Variants in ERBB4 observed in about 807,000 individuals in gnomAD.
ERBB4 encodes the protein receptor tyrosine-protein kinase erbB-4.
ERBB4 carries 42 observed loss-of-function variants against 158.0 expected under a neutral mutation model. The ratio of observed to expected loss-of-function variants is 0.27; its 90% CI spans 0.21 to 0.34. ERBB4 has a LOEUF of 0.34. Ranked by LOEUF, ERBB4 falls within the 10% of genes least tolerant of loss-of-function variation. The pLI, the probability that ERBB4 is intolerant of heterozygous loss-of-function variation, is 1.00. For missense variants in ERBB4, 1,333 were observed against 1,624.1 expected (o/e 0.82, Z 3.08); for synonymous variants, 583 against 558.7 (o/e 1.04, Z -0.61).
chr2:212,165,377 C>T (rs1467399425), intron 1 of ERBB4, among the ~76,000 whole-genome samples: 1 of 151,758 alleles, frequency 6.6e-6, no homozygotes, highest in Non-Finnish European at 1.5e-5. Context: ...GCAAATGTCT[C>T]ACTCACTTCA....
intron 3 of ERBB4, among the ~76,000 whole-genome samples, chr2:211,855,793 CTTTAAG>C (rs1174418077): frequency 2.6e-5 from 4 of 151,904 alleles, no homozygotes; most frequent in South Asian, 2.1e-4. Context: ...CCTTTGCAAT[CTTTAAG>C]TTTATTTTCC....
chr2:212,464,375 G>A (rs962054692), intron 1 of ERBB4, among the ~76,000 whole-genome samples: 4 of 151,826 alleles, frequency 2.6e-5, no homozygotes, highest in African/African-American at 4.8e-5. Context: ...GTTCCATTCC[G>A]GTAGAATCAT....
intron 1 of ERBB4, among the ~76,000 whole-genome samples, chr2:212,531,289 A>G (rs955443120): frequency 1.3e-5 from 2 of 152,188 alleles, no homozygotes; most frequent in Non-Finnish European, 2.9e-5. Context: ...GAACTCAGCT[A>G]CAACCAGAGA....
At chr2:211,850,361 A>C (rs1428245570) in intron 3 of ERBB4, among the ~76,000 whole-genome samples, 1 of 151,904 alleles carries the variant, frequency 6.6e-6, no homozygotes, top group Non-Finnish European at 1.5e-5. Flanking sequence ...CATATTCAAC[A>C]TATATGTAGT....
At chr2:211,772,275 A>G (rs950467490) in intron 4 of ERBB4, among the ~76,000 whole-genome samples, 18 of 152,090 alleles carry the variant, frequency 1.2e-4, no homozygotes, top group Non-Finnish European at 1.3e-4. Flanking sequence ...GTTATTAAAT[A>G]TTTATCAGCA....
chr2:211,431,305 T>TATGAG (rs751446516), intron 20 of ERBB4, among the ~76,000 whole-genome samples: 17 of 152,236 alleles, frequency 1.1e-4, no homozygotes, highest in Non-Finnish European at 2.4e-4. Flanking sequence ...CCTAAAGTCC[T>TATGAG]ATGAGATGAA....
At chr2:211,592,357 GCT>G in intron 19 of ERBB4, among the ~76,000 whole-genome samples, 1 of 152,262 alleles carries the variant, frequency 6.6e-6, no homozygotes, top group Non-Finnish European at 1.5e-5. Flanking sequence ...AGTCTGTCTG[GCT>G]CTCTTAGCTA....
chr2:211,690,890 T>C (rs1009658611), intron 12 of ERBB4, among the ~76,000 whole-genome samples: 2 of 152,210 alleles, frequency 1.3e-5, no homozygotes, highest in Admixed American at 1.3e-4. Flanking sequence ...CTGTGTTTTC[T>C]CTGGAAGCTG....
intron 12 of ERBB4, among the ~76,000 whole-genome samples, chr2:211,684,142 G>A (rs532891944): frequency 1.3e-5 from 2 of 152,158 alleles, no homozygotes; most frequent in South Asian, 4.2e-4. Flanking sequence ...GGGAAGATGG[G>A]AGGGGGAGAA....
At chr2:211,881,741 A>G (rs887271130) in intron 3 of ERBB4, among the ~76,000 whole-genome samples, 1 of 151,672 alleles carries the variant, frequency 6.6e-6, no homozygotes, top group Non-Finnish European at 1.5e-5. Flanking sequence ...TCAGCAACTC[A>G]TTTTTCTGGG....
chr2:212,172,579 C>T (rs2081550181), intron 1 of ERBB4, among the ~76,000 whole-genome samples: 1 of 152,042 alleles, frequency 6.6e-6, no homozygotes, highest in Admixed American at 6.6e-5. Flanking sequence ...TGTGTATATA[C>T]ACCATGGAAT....
intron 5 of ERBB4, among the ~76,000 whole-genome samples, chr2:211,733,901 A>G (rs1376399188): frequency 6.6e-6 from 1 of 151,726 alleles, no homozygotes; most frequent in African/African-American, 2.4e-5. Flanking sequence ...GCCAACATGA[A>G]GAAACCCTGT....
chr2:212,015,082 ATATATATATATATATATATATATATATAT>A (rs2076492119), intron 2 of ERBB4, among the ~76,000 whole-genome samples: 1 of 43,538 alleles, frequency 2.3e-5, no homozygotes, highest in Non-Finnish European at 4.3e-5. Flanking sequence ...ATATATATAT[ATATATATATATATATATATATATATATAT>A]AAAAATTAGC....
At chr2:211,654,562 C>T (rs1262682099) in intron 16 of ERBB4, among the ~76,000 whole-genome samples, 14 of 152,128 alleles carry the variant, frequency 9.2e-5, no homozygotes, top group Admixed American at 1.3e-4. Context: ...TTACTAACTT[C>T]GTGAGGTTTT....
intron 3 of ERBB4, among the ~76,000 whole-genome samples, chr2:211,870,675 T>C (rs916813357): frequency 1.3e-5 from 2 of 152,112 alleles, no homozygotes; most frequent in Admixed American, 6.6e-5. Flanking sequence ...AGGACTAAAA[T>C]ACAGTTTTCC....
At chr2:211,948,450 A>C (rs966723033) in intron 2 of ERBB4, among the ~76,000 whole-genome samples, 4 of 151,232 alleles carry the variant, frequency 2.6e-5, no homozygotes, top group Non-Finnish European at 4.4e-5. Context: ...AAAAAAAAAA[A>C]AAAAAAAAAA....
intron 1 of ERBB4, among the ~76,000 whole-genome samples, chr2:212,425,783 C>A (rs960070926): frequency 1.9e-4 from 29 of 151,982 alleles, no homozygotes; most frequent in Admixed American, 1.8e-3. Flanking sequence ...TTGCTTCATT[C>A]TTTTTCCTAA....
chr2:211,832,619 T>TAC (rs2077248127), intron 3 of ERBB4, among the ~76,000 whole-genome samples: 2 of 150,598 alleles, frequency 1.3e-5, no homozygotes. Context: ...TATATATATA[T>TAC]ACATATATAT....
At chr2:211,760,381 C>T (rs2075379752) in intron 4 of ERBB4, among the ~76,000 whole-genome samples, 1 of 152,196 alleles carries the variant, frequency 6.6e-6, no homozygotes, top group Admixed American at 6.5e-5. Context: ...TTGAAATACA[C>T]TTATCATACT....
Sources: allele counts gnomAD v4.1 joint callset (sites outside exome capture counted in the v4.1 genomes callset), GRCh38; gene constraint gnomAD v4.1.1; transcripts MANE v1.5; gene names NCBI Gene and HGNC (gene_info 2026-07-23, HGNC 2026-07-21).